ZMYND8: variants seen among roughly 807,000 people sequenced by gnomAD.
The protein encoded by ZMYND8 is zinc finger MYND-type containing 8, also known as MYND-type zinc finger-containing chromatin reader ZMYND8.
A neutral mutation model predicts 140.8 loss-of-function variants in ZMYND8; 37 were observed. The observed-to-expected ratio is 0.26, with a 90% CI of 0.20 to 0.35. The LOEUF (loss-of-function observed/expected upper bound fraction) is 0.35. ZMYND8 is among the 10% of genes least tolerant of loss of function. The pLI is 1.00. For missense variants in ZMYND8, 1,068 were observed against 1,570.0 expected (o/e 0.68, Z 5.40); for synonymous variants, 592 against 597.1 (o/e 0.99, Z 0.12).
At chr20:47,265,385 G>A (rs920340113) in intron 11 of ZMYND8, among the ~76,000 whole-genome samples, 5 of 152,150 alleles carry the variant, frequency 3.3e-5, no homozygotes, top group African/African-American at 9.7e-5. Flanking sequence ...GCTGTTGCAC[G>A]TAGAACACAG....
chr20:47,212,549 A>G, intron 22 of ZMYND8, 93 bp downstream of exon 22: 1 of 1,417,720 alleles, frequency 7.1e-7, no homozygotes, highest in Non-Finnish European at 9.9e-7. Context: ...AGACACACCC[A>G]CAAAGGAACA....
At chr20:47,313,360 C>T (rs1000375510) in intron 2 of ZMYND8, among the ~76,000 whole-genome samples, 34 of 152,204 alleles carry the variant, frequency 2.2e-4, no homozygotes, top group Admixed American at 3.9e-4. Flanking sequence ...CAGTGGCTCA[C>T]GCCTGTAATC....
intron 2 of ZMYND8, among the ~76,000 whole-genome samples, chr20:47,341,729 C>A (rs1365719336): frequency 6.6e-6 from 1 of 151,354 alleles, no homozygotes; most frequent in Non-Finnish European, 1.5e-5. Context: ...CTTGGCCGGG[C>A]GCGGTGGCTC....
In ZMYND8 at chr20:47,238,929, G is replaced by C. The variant is rs771024245; in HGVS notation, c.2494C>G (p.Pro832Ala). ...QRPLLPKETA[P>A]AVQRVVWNSS... The stretch of plus-strand genomic sequence containing the variant: ...TTCCACACGACCCGCTGCACGGCCG[G>C]GGCAGTCTCCTTCGGTAAAAGCGGC... Residue 832 changes from proline to alanine, a missense_variant, in exon 15 of 23, where the codon CCG becomes GCG. Physicochemically the swap from Pro to Ala is conservative, Grantham distance 27. This residue lies in a region of ZMYND8 where 383 missense variants were observed against 431.2 expected (regional missense o/e 0.89). Transcript: ENST00000471951. 3.7e-6 allele frequency: 6 copies of C among 1,614,006 alleles called. No homozygotes were observed. Among genetic ancestry groups the C allele is most frequent in the Non-Finnish European group, 5.1e-6 (6 of 1,179,996 alleles).
rs780850024 is a variant in ZMYND8, at chr20:47,209,751, C to T, written c.*1010G>A. The T allele has an allele frequency of 7.2e-5, 11 of 152,614 alleles. No homozygotes were observed. Among genetic ancestry groups the T allele is most frequent in the African/African-American group, 1.4e-4 (6 of 41,444 alleles). The allele number at this position is 152,614 out of a possible 1,614,324, so 9.5% of individuals were successfully genotyped here. ...CATACGTAGTGTACGGACAGCATGA[C>T]GGGCCTTGCTTTCTCTCATACTGCC... On this transcript the variant is annotated 3_prime_UTR_variant, in exon 23 of 23. Coordinates refer to ENST00000471951, the MANE Select transcript of ZMYND8 (RefSeq NM_001281775.3).
intron 10 of ZMYND8, among the ~76,000 whole-genome samples, chr20:47,277,897 T>A (rs1412122395): frequency 3.9e-5 from 6 of 152,108 alleles, no homozygotes; most frequent in Non-Finnish European, 8.8e-5. Context: ...GGTCTTGAAC[T>A]CTTGACCTCG....
intron 11 of ZMYND8, among the ~76,000 whole-genome samples, chr20:47,268,299 T>C (rs2075683972): frequency 1.4e-5 from 2 of 147,528 alleles, no homozygotes; most frequent in African/African-American, 2.5e-5. Context: ...TCTTTTTTTT[T>C]TTTTTTTTTT....
At chr20:47,221,519 C>A (rs376253417) in intron 19 of ZMYND8, 45 bp from the exon 20 acceptor site, 1 of 1,592,850 alleles carries the variant, frequency 6.3e-7, no homozygotes, top group Non-Finnish European at 8.6e-7. Flanking sequence ...ACACAGAGTA[C>A]GATGATTTTG....
chr20:47,328,737 C>T (rs964573735), intron 2 of ZMYND8, among the ~76,000 whole-genome samples: 2 of 152,224 alleles, frequency 1.3e-5, no homozygotes, highest in Non-Finnish European at 2.9e-5. Flanking sequence ...GGATTCCAGG[C>T]ATGAGCCACC....
chr20:47,290,382 T>G, intron 6 of ZMYND8, 108 bp from the exon 7 acceptor site: 1 of 878,036 alleles, frequency 1.1e-6, no homozygotes, highest in Non-Finnish European at 1.8e-6. Context: ...CCAAATCAAT[T>G]AGTGTTCTTC....
chr20:47,246,598 C>T, intron 13 of ZMYND8, 81 bp from the exon 14 acceptor site: 2 of 1,494,642 alleles, frequency 1.3e-6, no homozygotes, highest in Admixed American at 2.3e-5. Context: ...TTTTTCCACA[C>T]CAAATGCTGG....
intron 12 of ZMYND8, among the ~76,000 whole-genome samples, chr20:47,257,926 T>C (rs1268630402): frequency 6.6e-6 from 1 of 152,136 alleles, no homozygotes; most frequent in East Asian, 1.9e-4. Flanking sequence ...GATGCAATCA[T>C]AGCTCACTGC....
intron 12 of ZMYND8, among the ~76,000 whole-genome samples, chr20:47,252,861 G>C (rs1363296756): frequency 6.6e-6 from 1 of 152,324 alleles, no homozygotes; most frequent in East Asian, 1.9e-4. Context: ...AGAGGTTGCA[G>C]TGAGCCGAGA....
rs895764089 is a variant in ZMYND8, at chr20:47,351,029, C to G, written c.15-3103G>C. On this transcript the variant is annotated intron_variant, in intron 1 of 22. Transcript: ENST00000471951. ...ACAAACTGATACATTTGAGGCAATT[C>G]AAAGAAATAACAGTACCTGCAAAGA... is the stretch of plus-strand genomic sequence containing the variant. Among the ~76,000 whole-genome samples the G allele has an allele frequency of 4.6e-5, 7 of 152,132 alleles. No individual in the cohort carries two copies. The South Asian group carries it at 1.2e-3, about 27-fold the overall frequency.
At chr20:47,223,947 G>C (rs2037350341) in intron 19 of ZMYND8, among the ~76,000 whole-genome samples, 1 of 152,008 alleles carries the variant, frequency 6.6e-6, no homozygotes, top group South Asian at 2.1e-4. Context: ...CAGTGTCAAA[G>C]ATAGGTTAGT....
At chr20:47,355,406 A>G in intron 1 of ZMYND8, 1 of 981,718 alleles carries the variant, frequency 1.0e-6, no homozygotes, top group Non-Finnish European at 1.2e-6. Context: ...TGTTCGCAAA[A>G]CTCTTCAAAC....
intron 14 of ZMYND8, among the ~76,000 whole-genome samples, chr20:47,240,932 C>T (rs373871054): frequency 6.6e-6 from 1 of 152,114 alleles, no homozygotes; most frequent in South Asian, 2.1e-4. Context: ...TTCAGCCTCC[C>T]GAATAGCTGG....
chr20:47,228,270 T>G (rs934284928), intron 17 of ZMYND8, among the ~76,000 whole-genome samples: 1 of 152,144 alleles, frequency 6.6e-6, no homozygotes, highest in African/African-American at 2.4e-5. Flanking sequence ...CATCCTAGAA[T>G]GCACAGGGCA....
chr20:47,315,683 G>C (rs1298738737), intron 2 of ZMYND8, among the ~76,000 whole-genome samples: 1 of 152,172 alleles, frequency 6.6e-6, no homozygotes, highest in Non-Finnish European at 1.5e-5. Flanking sequence ...TGACAAGGAT[G>C]TATTGCCCAG....
Sources: allele counts gnomAD v4.1 joint callset (sites outside exome capture counted in the v4.1 genomes callset), GRCh38; gene constraint gnomAD v4.1.1; regional missense constraint gnomAD v4.1.1; transcripts MANE v1.5; gene names NCBI Gene and HGNC (gene_info 2026-07-23, HGNC 2026-07-21).